The following DNAJB6 variants were observed in gnomAD, a reference collection of about 807,000 sequenced individuals.
DNAJB6 encodes the protein DnaJ heat shock protein family (Hsp40) member B6.
In DNAJB6, 16 loss-of-function variants were observed where a neutral mutation model predicts 42.7. That is an observed-to-expected ratio of 0.37 (90% CI 0.25 to 0.57). DNAJB6 has a LOEUF of 0.57. DNAJB6 is among the 20% of genes least tolerant of loss of function. DNAJB6 has a pLI of 0.74. For synonymous variants in DNAJB6, 170 were observed against 163.5 expected (o/e 1.04, Z -0.30); for missense variants, 347 against 416.8 (o/e 0.83, Z 1.46).
At position 157,341,001 on chromosome 7, in the gene DNAJB6, C is replaced by CGCGCGCGCTCGT. The variant is rs1339710604; in HGVS notation, c.-27+3863_-27+3864insGCTCGTGCGCGC. ...GTGTGTGTGTGTGTGTGTGTGTGCG[C>CGCGCGCGCTCGT]GCGCGCAGGTGGAATCACCCTGTGT... is the stretch of plus-strand genomic sequence containing the variant. On this transcript the variant is annotated intron_variant, in intron 1 of 9. Transcript: ENST00000262177. 1.9e-4 allele frequency among the ~76,000 whole-genome samples: 25 copies of CGCGCGCGCTCGT among 130,334 alleles called. 1 individual carries two copies. The East Asian group carries it at 4.9e-3, about 26-fold the overall frequency. The allele number at this position is 130,334 out of a possible 152,430, so 85.5% of individuals were successfully genotyped here.
intron 8 of DNAJB6, among the ~76,000 whole-genome samples, chr7:157,389,487 C>G (rs1279988776): frequency 2.0e-5 from 3 of 152,198 alleles, no homozygotes; most frequent in African/African-American, 7.2e-5. Flanking sequence ...CTGGAGGGGA[C>G]TGAATTACAT....
At chr7:157,392,540 G>A (rs1801398099) in intron 8 of DNAJB6, among the ~76,000 whole-genome samples, 1 of 152,094 alleles carries the variant, frequency 6.6e-6, no homozygotes, top group African/African-American at 2.4e-5. Context: ...GTGGGAAACA[G>A]CCAGCTTTGT....
chr7:157,342,253 C>A (rs536782800), intron 1 of DNAJB6, among the ~76,000 whole-genome samples: 1 of 151,724 alleles, frequency 6.6e-6, no homozygotes, highest in African/African-American at 2.4e-5. Context: ...CCCCAGCCTC[C>A]GCCTCCTAGT....
intron 1 of DNAJB6, among the ~76,000 whole-genome samples, chr7:157,347,797 T>C (rs1798763077): frequency 6.6e-6 from 1 of 152,110 alleles, no homozygotes; most frequent in Admixed American, 6.5e-5. Context: ...GAAGTTTGTT[T>C]ATTTATTTGT....
chr7:157,343,900 C>T (rs1798549336), intron 1 of DNAJB6, among the ~76,000 whole-genome samples: 1 of 152,004 alleles, frequency 6.6e-6, no homozygotes, highest in Non-Finnish European at 1.5e-5. Context: ...AGATGTATTG[C>T]TTTTGGAAAT....
chr7:157,350,643 C>T (rs533534478), intron 1 of DNAJB6, among the ~76,000 whole-genome samples: 3 of 152,042 alleles, frequency 2.0e-5, no homozygotes, highest in South Asian at 2.1e-4. Context: ...TTGAGGAAGA[C>T]GCCCAATATG....
chr7:157,338,637 T>A (rs1798177233), intron 1 of DNAJB6, among the ~76,000 whole-genome samples: 1 of 152,210 alleles, frequency 6.6e-6, no homozygotes, highest in Non-Finnish European at 1.5e-5. Flanking sequence ...CCTCGCCGAC[T>A]CCAGACTTGT....
At chr7:157,346,120 C>G (rs1197784166) in intron 1 of DNAJB6, among the ~76,000 whole-genome samples, 2 of 152,022 alleles carry the variant, frequency 1.3e-5, no homozygotes, top group Non-Finnish European at 2.9e-5. Context: ...GAGCTTTGTC[C>G]TCTGTGCTCA....
At position 157,366,729 on chromosome 7, in the gene DNAJB6, G is replaced by A. The variant is rs3779591; in HGVS notation, c.235+168G>A. Among the ~76,000 whole-genome samples, 84,098 of 151,730 alleles carry A rather than the reference G, an allele frequency of 0.55. 23,570 individuals are homozygous for A. Among genetic ancestry groups the A allele is most frequent in the East Asian group, 0.76 (3,911 of 5,156 alleles). On this transcript the variant is annotated intron_variant, in intron 4 of 9. Transcript: ENST00000262177. ...ACAGAGAAATTGATGGCATTTAAAA[G>A]TCTTTTACGAGACTAGAAGTATATG...
At chr7:157,369,238 A>G (rs1328760682) in intron 5 of DNAJB6, 1 of 456,374 alleles carries the variant, frequency 2.2e-6, no homozygotes, top group Non-Finnish European at 4.4e-6. Context: ...TCCGTCCTTC[A>G]TCAACCCTCA....
chr7:157,363,636 A>T (rs943745739), intron 3 of DNAJB6, among the ~76,000 whole-genome samples: 1 of 152,096 alleles, frequency 6.6e-6, no homozygotes, highest in Non-Finnish European at 1.5e-5. Flanking sequence ...GCTCACCCCC[A>T]CTGGCTTAAA....
chr7:157,356,805 C>T (rs1316723153), intron 1 of DNAJB6, among the ~76,000 whole-genome samples: 1 of 152,184 alleles, frequency 6.6e-6, no homozygotes, highest in Non-Finnish European at 1.5e-5. Context: ...TTTTGATACT[C>T]TAAATTCCGT....
At chr7:157,338,732 T>C (rs1260012927) in intron 1 of DNAJB6, among the ~76,000 whole-genome samples, 1 of 152,230 alleles carries the variant, frequency 6.6e-6, no homozygotes, top group African/African-American at 2.4e-5. Context: ...ATGAATAGTT[T>C]TTATGCACGC....
intron 1 of DNAJB6, among the ~76,000 whole-genome samples, chr7:157,343,466 T>C (rs574489341): frequency 5.3e-5 from 8 of 151,820 alleles, no homozygotes; most frequent in Non-Finnish European, 1.2e-4. Flanking sequence ...CAGATGAATT[T>C]AGAAACCACT....
At chr7:157,409,632 C>G (rs1007227279) in intron 8 of DNAJB6, among the ~76,000 whole-genome samples, 163 bp from the exon 9 acceptor site, 4 of 152,218 alleles carry the variant, frequency 2.6e-5, no homozygotes, top group African/African-American at 7.2e-5. Context: ...AAGTTCTGGC[C>G]CCAGTGGCGC....
chr7:157,390,396 T>C (rs867766481), intron 8 of DNAJB6, among the ~76,000 whole-genome samples: 1 of 152,138 alleles, frequency 6.6e-6, no homozygotes, highest in Non-Finnish European at 1.5e-5. Context: ...CCCTGTTAGG[T>C]TGGTTTCTCT....
intron 1 of DNAJB6, chr7:157,340,103 T>G (rs1355242282): frequency 1.3e-5 from 2 of 152,256 alleles, no homozygotes; most frequent in Non-Finnish European, 1.5e-5. Context: ...TGTTGAGGAA[T>G]AAGAGAATGT....
intron 5 of DNAJB6, among the ~76,000 whole-genome samples, chr7:157,376,661 G>A (rs1800489086): frequency 6.6e-6 from 1 of 152,074 alleles, no homozygotes; most frequent in Non-Finnish European, 1.5e-5. Flanking sequence ...CGGATGGATC[G>A]CTTGAGGTCA....
Position 157,363,398 on chromosome 7 carries a change from G to T in DNAJB6, c.175+128G>T, listed in dbSNP as rs538759725. On this transcript the variant is annotated intron_variant, in intron 3 of 9. Coordinates refer to ENST00000262177, the MANE Select transcript of DNAJB6 (RefSeq NM_058246.4). ...TTGTTTTTGATGCCTACTGGATTTT[G>T]GGCCCTTCTAAGAGATTTTTACTTT... The T allele has an allele frequency of 2.5e-5, 15 of 588,508 alleles. No homozygotes were observed. In the African/African-American group the frequency reaches 2.8e-4, roughly 11 times the overall value. The allele number at this position is 588,508 out of a possible 1,614,324, so 36.5% of individuals were successfully genotyped here. A position where few individuals can be genotyped will look rare whatever the true frequency, so the allele number is the denominator to read the frequency against.
Sources: allele counts gnomAD v4.1 joint callset (sites outside exome capture counted in the v4.1 genomes callset), GRCh38; gene constraint gnomAD v4.1.1; transcripts MANE v1.5; gene names NCBI Gene and HGNC (gene_info 2026-07-23, HGNC 2026-07-21).